The following CCDC171 variants were observed in gnomAD, a reference collection of about 807,000 sequenced individuals.
CCDC171 encodes the protein coiled-coil domain-containing protein 171.
In CCDC171, 177 loss-of-function variants were observed where a neutral mutation model predicts 168.2. That is an observed-to-expected ratio of 1.05 (90% confidence interval 0.93 to 1.19). The LOEUF is 1.19. Among genes scored for constraint, CCDC171 ranks in the 50% most tolerant of loss-of-function variants. The probability of loss-of-function intolerance (pLI) is 0.00; values close to 1 mark genes in which losing one functional copy is unlikely to be tolerated. For missense variants in CCDC171, 1,991 were observed against 1,539.0 expected (o/e 1.29, Z -4.91); for synonymous variants, 687 against 540.8 (o/e 1.27, Z -3.75).
intron 14 of CCDC171, 142 bp downstream of exon 14, chr9:15,725,118 A>G (rs981812477): frequency 1.7e-5 from 11 of 633,334 alleles, no homozygotes; most frequent in Non-Finnish European, 3.1e-5. Flanking sequence ...CAGCTACAAA[A>G]TCACTCCATT....
chr9:15,953,831 A>G (rs567427068), intron 25 of CCDC171, among the ~76,000 whole-genome samples: 3 of 151,948 alleles, frequency 2.0e-5, no homozygotes, highest in Admixed American at 6.6e-5. Context: ...AAGGTTTTTG[A>G]TTACTGAGTC....
At chr9:15,954,006 A>G (rs1183626380) in intron 25 of CCDC171, among the ~76,000 whole-genome samples, 1 of 151,834 alleles carries the variant, frequency 6.6e-6, no homozygotes. Context: ...CCCCTGTGGA[A>G]CTGGTACTAA....
At chr9:15,932,309 G>A (rs1307497133) in intron 25 of CCDC171, among the ~76,000 whole-genome samples, 3 of 151,678 alleles carry the variant, frequency 2.0e-5, no homozygotes, top group Admixed American at 6.6e-5. Flanking sequence ...ATAGTGTTCA[G>A]TATAGAGATT....
rs1554714845 is a variant in CCDC171 at position 15,623,472 on chromosome 9, C to CAA, written c.822+59_822+60insAA. ...GTACAAACTTTCACATATGCGCGCG[C>CAA]GCGCACACACACACACACACACACA... On this transcript the variant is annotated intron_variant, in intron 7 of 25. Coordinates refer to ENST00000380701, the MANE Select transcript of CCDC171 (RefSeq NM_173550.4). 17 of 736,534 alleles carry CAA rather than the reference C, an allele frequency of 2.3e-5. 1 individual carries two copies. The East Asian group carries it at 5.6e-4, about 24-fold the overall frequency. The allele number at this position is 736,534 out of a possible 1,614,324, so 45.6% of individuals were successfully genotyped here. A position where few individuals can be genotyped will look rare whatever the true frequency, so the allele number is the denominator to read the frequency against.
intron 18 of CCDC171, among the ~76,000 whole-genome samples, chr9:15,762,113 T>C (rs766898890): frequency 6.6e-6 from 1 of 151,332 alleles, no homozygotes; most frequent in Non-Finnish European, 1.5e-5. Flanking sequence ...ACACATTTTG[T>C]AGTTTATGGG....
intron 6 of CCDC171, among the ~76,000 whole-genome samples, chr9:16,031,916 A>G (rs1012013959): frequency 6.6e-6 from 1 of 152,222 alleles, no homozygotes; most frequent in Non-Finnish European, 1.5e-5. Context: ...AGAGCAGGGC[A>G]GAGACTGAGC....
intron 24 of CCDC171, among the ~76,000 whole-genome samples, chr9:15,881,973 T>C (rs749876524): frequency 1.7e-4 from 26 of 152,218 alleles, no homozygotes; most frequent in Non-Finnish European, 3.1e-4. Flanking sequence ...GTGGAGTTAC[T>C]GGATCATGTG....
chr9:15,563,848 T>C, intron 1 of CCDC171, 130 bp from the exon 2 acceptor site: 1 of 420,692 alleles, frequency 2.4e-6, no homozygotes, highest in Non-Finnish European at 4.2e-6. Context: ...TTCTGAGGTC[T>C]AGATATCTCT....
intron 7 of CCDC171, among the ~76,000 whole-genome samples, chr9:15,655,048 G>C (rs2047819389): frequency 1.3e-5 from 2 of 152,122 alleles, no homozygotes; most frequent in Non-Finnish European, 2.9e-5. Flanking sequence ...CGGGGGAGCA[G>C]GGAGGGATAG....
chr9:15,747,990 TA>T (rs201540984), intron 18 of CCDC171, among the ~76,000 whole-genome samples: 2,681 of 152,162 alleles, frequency 0.018, 93 homozygotes, highest in African/African-American at 0.061. Flanking sequence ...GCAAGGAAGC[TA>T]AAAACCTTGA....
At chr9:15,938,650 T>G (rs1166381662) in intron 25 of CCDC171, among the ~76,000 whole-genome samples, 1 of 151,878 alleles carries the variant, frequency 6.6e-6, no homozygotes, top group Non-Finnish European at 1.5e-5. Flanking sequence ...CTATGTTAGC[T>G]GAGAAATTGG....
chr9:15,916,308 C>A (rs1040613990), intron 24 of CCDC171, among the ~76,000 whole-genome samples: 2 of 151,702 alleles, frequency 1.3e-5, no homozygotes, highest in African/African-American at 4.8e-5. Flanking sequence ...CATTTAATTT[C>A]TATAAAATGT....
intron 24 of CCDC171, among the ~76,000 whole-genome samples, chr9:15,916,732 A>G (rs1824577883): frequency 6.6e-6 from 1 of 152,076 alleles, no homozygotes; most frequent in African/African-American, 2.4e-5. Context: ...ATGCACGTAC[A>G]CTTTTAAAAA....
At chr9:15,853,093 C>T (rs1265287637) in intron 23 of CCDC171, among the ~76,000 whole-genome samples, 2 of 151,384 alleles carry the variant, frequency 1.3e-5, no homozygotes, top group Admixed American at 1.3e-4. Flanking sequence ...TTGGGATCAG[C>T]TTGTCCATTT....
chr9:15,981,073 C>A (rs186005611), intron 3 of CCDC171, among the ~76,000 whole-genome samples: 1 of 152,008 alleles, frequency 6.6e-6, no homozygotes, highest in Admixed American at 6.6e-5. Flanking sequence ...CTTACTGTCA[C>A]GAGAAAAGCC....
At chr9:15,629,163 G>A (rs538332023) in intron 7 of CCDC171, among the ~76,000 whole-genome samples, 4,316 of 152,148 alleles carry the variant, frequency 0.028, 196 homozygotes, top group African/African-American at 0.099. Context: ...CACCAGCAAC[G>A]GAACAAAGCT....
At chr9:15,813,815 G>T (rs1337078379) in intron 21 of CCDC171, among the ~76,000 whole-genome samples, 1 of 152,138 alleles carries the variant, frequency 6.6e-6, no homozygotes, top group Non-Finnish European at 1.5e-5. Flanking sequence ...AAATACTGTA[G>T]TTTTGAATAA....
intron 21 of CCDC171, among the ~76,000 whole-genome samples, chr9:15,835,801 G>C (rs1188871578): frequency 1.3e-5 from 2 of 152,104 alleles, no homozygotes; most frequent in African/African-American, 4.8e-5. Context: ...CAAGAAATAA[G>C]TGTTGTCATT....
At chr9:15,607,672 A>G (rs1316117860) in intron 6 of CCDC171, among the ~76,000 whole-genome samples, 1 of 152,030 alleles carries the variant, frequency 6.6e-6, no homozygotes, top group Non-Finnish European at 1.5e-5. Flanking sequence ...CATGTTGGCC[A>G]ATCTATTCTT....
Sources: allele counts gnomAD v4.1 joint callset (sites outside exome capture counted in the v4.1 genomes callset), GRCh38; gene constraint gnomAD v4.1.1; transcripts MANE v1.5; gene names NCBI Gene and HGNC (gene_info 2026-07-23, HGNC 2026-07-21).